The following PEAR1 variants were observed in gnomAD, a reference collection of about 807,000 sequenced individuals.
PEAR1 encodes the protein multiple EGF-like domains protein 12.
A neutral mutation model predicts 131.2 loss-of-function variants in PEAR1; 113 were observed. The observed-to-expected ratio is 0.86, with a 90% confidence interval of 0.74 to 1.01. The LOEUF (loss-of-function observed/expected upper bound fraction) is 1.01. Ranked by LOEUF, PEAR1 falls within the 50% of genes least tolerant of loss-of-function variation. PEAR1 has a pLI of 0.00. For synonymous variants in PEAR1, 565 were observed against 523.3 expected (o/e 1.08, Z -1.09); for missense variants, 1,408 against 1,391.1 (o/e 1.01, Z -0.19).
chr1:156,911,220 C>A (rs1189669091), intron 15 of PEAR1, among the ~76,000 whole-genome samples: 2 of 106,774 alleles, frequency 1.9e-5, no homozygotes, highest in Non-Finnish European at 3.9e-5. Flanking sequence ...TTCTTTCTTT[C>A]CTTTCTTTCT....
Position 156,909,885 on chromosome 1 carries a change from C to A in PEAR1, c.1546C>A (p.His516Asn), listed in dbSNP as rs1419676687. 1 of 1,609,270 alleles carries A rather than the reference C, an allele frequency of 6.2e-7. No homozygotes were observed. ...AGCCTGTACCTGCACCCCTGGGTGG[C>A]ATGGGGCCCACTGCCAGCTGCCCTG... ...TGACTCTPGW[H>N]GAHCQLPCPK... Residue 516 changes from histidine (H) to asparagine (N), a missense_variant, in exon 12 of 23, where the codon CAT (histidine) becomes AAT (asparagine). Physicochemically the swap from His to Asn is moderately conservative, Grantham distance 68. Transcript: ENST00000292357.
intron 15 of PEAR1, among the ~76,000 whole-genome samples, chr1:156,911,533 C>T (rs1473446915): frequency 6.6e-6 from 1 of 152,034 alleles, no homozygotes; most frequent in African/African-American, 2.4e-5. Flanking sequence ...ATCCATCCGC[C>T]TCAGGTGATC....
intron 11 of PEAR1, 105 bp from the exon 12 acceptor site, chr1:156,909,646 C>T (rs1650809257): frequency 7.6e-7 from 1 of 1,322,070 alleles, no homozygotes. Context: ...CACCCCCCAC[C>T]CACCCCAGCT....
rs367928332 is a variant in PEAR1, at chr1:156,905,347, G to T, written c.230G>T (p.Arg77Leu). The T allele has an allele frequency of 8.1e-6, 13 of 1,611,992 alleles. No individual in the cohort carries two copies. The highest frequency in any genetic ancestry group is 3.3e-5 in the Admixed American group (2 of 59,926). Reference sequence around the variant, plus strand: ...AGGGTTGTATACCGGACCGTGTACCGTCAGGTGGTGAAGACGGACCACCGC... The same window carrying T: ...AGGGTTGTATACCGGACCGTGTACCTTCAGGTGGTGAAGACGGACCACCGC... Reference protein sequence around the residue: ...QPTVVYRTVYRQVVKTDHRQR... With the variant: ...QPTVVYRTVYLQVVKTDHRQR... The change falls in exon 4 of 23, where the codon CGT becomes CTT. Residue 77 changes from arginine to leucine, a missense_variant. By Grantham distance (102) the Arg-to-Leu change is moderately radical. Transcript: ENST00000292357.
chr1:156,901,438 G>A (rs1344622082), intron 1 of PEAR1, among the ~76,000 whole-genome samples: 5 of 152,164 alleles, frequency 3.3e-5, no homozygotes, highest in Non-Finnish European at 7.3e-5. Context: ...ACCTTTTCTC[G>A]GCCCAACAAC....
At chr1:156,895,206 C>G (rs534307152) in intron 1 of PEAR1, among the ~76,000 whole-genome samples, 2 of 152,232 alleles carry the variant, frequency 1.3e-5, no homozygotes, top group Non-Finnish European at 2.9e-5. Flanking sequence ...ACCCTCTGTC[C>G]CCCCTCAACA....
At chr1:156,903,813 G>A (rs551667148) in intron 1 of PEAR1, 105 bp from the exon 2 acceptor site, 19 of 884,604 alleles carry the variant, frequency 2.1e-5, no homozygotes, top group South Asian at 4.4e-5. Context: ...ACACGGGGCC[G>A]CAGTCTGGTC....
chr1:156,894,353 A>G (rs1454876360), intron 1 of PEAR1, among the ~76,000 whole-genome samples: 3 of 152,218 alleles, frequency 2.0e-5, no homozygotes, highest in Non-Finnish European at 4.4e-5. Flanking sequence ...AGAATAATAT[A>G]GGGCCTACCT....
chr1:156,914,213 C>G (rs1164603211), intron 22 of PEAR1, 113 bp downstream of exon 22: 1 of 1,432,966 alleles, frequency 7.0e-7, no homozygotes, highest in East Asian at 2.5e-5. Context: ...AAGAGTGAGG[C>G]CTTTGGGGTC....
intron 3 of PEAR1, chr1:156,905,082 TG>T (rs78436112): frequency 0.042 from 33,659 of 809,004 alleles, 238 homozygotes; most frequent in African/African-American, 0.083. Flanking sequence ...CCTGTGGGGT[TG>T]GGGGGGGGGC....
intron 18 of PEAR1, 102 bp from the exon 19 acceptor site, chr1:156,913,092 G>C: frequency 1.9e-6 from 3 of 1,538,870 alleles, no homozygotes; most frequent in Non-Finnish European, 2.7e-6. Context: ...GAGGGAGGAA[G>C]GGAGGTCAGG....
chr1:156,904,096 TG>T, intron 2 of PEAR1, 69 bp downstream of exon 2: 6 of 1,297,846 alleles, frequency 4.6e-6, no homozygotes, highest in East Asian at 2.3e-5. Context: ...TTGTCCCTAC[TG>T]GGGTCCTTTT....
intron 1 of PEAR1, among the ~76,000 whole-genome samples, chr1:156,901,715 C>G (rs527448357): frequency 3.3e-5 from 5 of 152,054 alleles, no homozygotes; most frequent in Admixed American, 2.0e-4. Flanking sequence ...GTGTGGAGAC[C>G]GAGAGATGAG....
chr1:156,908,674 G>T lies in PEAR1; in HGVS notation c.1135G>T (p.Glu379Ter), dbSNP rs1231553449. The change falls in exon 10 of 23, where the codon GAG becomes TAG. Residue 379 changes from glutamate (E) to a stop codon, truncating the protein, a stop_gained. Transcript: ENST00000292357. LOFTEE classifies it high-confidence loss of function. The surrounding 1 kb of genome is among the most constrained non-coding windows in gnomAD (Gnocchi z 4.2). ...CCCCAGCTGCCACCCGATGAACGGGGAGTGCTCCTGCCTGCCGGGCTGGGC... is the reference window on the plus strand; with the variant it reads ...CCCCAGCTGCCACCCGATGAACGGGTAGTGCTCCTGCCTGCCGGGCTGGGC... ...HSLSCHPMNGECSCLPGWAGL... is the reference protein window; with the variant it reads ...HSLSCHPMNG 3 of 1,531,336 alleles carry T rather than the reference G, an allele frequency of 2.0e-6. No homozygotes were observed. The highest frequency in any genetic ancestry group is 8.7e-7 in the Non-Finnish European group (1 of 1,144,002). The allele number at this position is 1,531,336 out of a possible 1,614,324, so 94.9% of individuals were successfully genotyped here.
At chr1:156,899,377 C>T (rs1340345667) in intron 1 of PEAR1, among the ~76,000 whole-genome samples, 1 of 151,838 alleles carries the variant, frequency 6.6e-6, no homozygotes, top group Non-Finnish European at 1.5e-5. Context: ...GGCATTCTGC[C>T]TTGTCAACCG....
chr1:156,914,029 G>A lies in PEAR1; in HGVS notation c.2891G>A (p.Ser964Asn), dbSNP rs750527342. The change falls in exon 22 of 23, where the codon AGC (serine) becomes AAC (asparagine). Residue 964 changes from serine (S) to asparagine (N), a missense_variant. Ser to Asn is a conservative substitution (Grantham distance 46, BLOSUM62 1). Transcript: ENST00000292357. ...AGGCAGCCTCCTCAGTTCTGGGACA[G>A]CCAGAGGCGGCGGCAACCCCAGCCA... is the stretch of plus-strand genomic sequence containing the variant. The part of the protein sequence containing the change: ...PPRQPPQFWD[S>N]QRRRQPQPQR... 6.2e-7 allele frequency: 1 copy of A among 1,610,264 alleles called. No homozygotes were observed. The highest frequency in any genetic ancestry group is 1.1e-5 in the South Asian group (1 of 90,498).
At chr1:156,899,413 G>A (rs1045195144) in intron 1 of PEAR1, among the ~76,000 whole-genome samples, 8 of 152,072 alleles carry the variant, frequency 5.3e-5, no homozygotes, top group African/African-American at 9.7e-5. Flanking sequence ...TGCACCTGGC[G>A]GGCAGCCCAT....
chr1:156,905,889 C>A (rs1462776547), intron 4 of PEAR1, among the ~76,000 whole-genome samples: 3 of 152,150 alleles, frequency 2.0e-5, no homozygotes, highest in Non-Finnish European at 4.4e-5. Context: ...ATGACTGGAG[C>A]CTGTCTTCCT....
rs1651706538 is a variant in PEAR1, at chr1:156,914,759, G to A, written c.3075G>A (p.Arg1025=). The change falls in exon 23 of 23, where the codon CGG becomes CGA. Residue 1025 remains arginine, a synonymous_variant. Transcript: ENST00000292357. ...GACATTATGACTTGCCTCCAGTACGGCATCCCCCATCACCTCCACTTCGAC... is the reference window on the plus strand; with the variant it reads ...GACATTATGACTTGCCTCCAGTACGACATCCCCCATCACCTCCACTTCGAC... ...IPGHYDLPPV[R]HPPSPPLRRQ... 1 of 1,613,930 alleles carries A rather than the reference G, an allele frequency of 6.2e-7. No individual in the cohort carries two copies. The highest frequency in any genetic ancestry group is 1.3e-5 in the African/African-American group (1 of 75,046).
Sources: allele counts gnomAD v4.1 joint callset (sites outside exome capture counted in the v4.1 genomes callset), GRCh38; gene constraint gnomAD v4.1.1; non-coding constraint Gnocchi (gnomAD v3.1); transcripts MANE v1.5; gene names NCBI Gene and HGNC (gene_info 2026-07-23, HGNC 2026-07-21).